Variants in GUCY1A2 observed in about 807,000 individuals in gnomAD.
The protein encoded by GUCY1A2 is guanylate cyclase 1 soluble subunit alpha 2.
A neutral mutation model predicts 63.5 loss-of-function variants in GUCY1A2; 27 were observed. That is an observed-to-expected ratio of 0.43 (90% CI 0.31 to 0.59). The LOEUF is 0.59. Ranked by LOEUF, GUCY1A2 falls within the 20% of genes least tolerant of loss-of-function variation. The pLI, the probability that GUCY1A2 is intolerant of heterozygous loss-of-function variation, is 0.11. For missense variants in GUCY1A2, 768 were observed against 913.3 expected (o/e 0.84, Z 2.05); for synonymous variants, 364 against 343.5 (o/e 1.06, Z -0.66).
Position 106,939,898 on chromosome 11 carries a change from A to G in GUCY1A2, c.768T>C (p.Ala256=). Residue 256 remains alanine (A), a synonymous_variant, in exon 4 of 8, where the codon GCT becomes GCC. Coordinates refer to ENST00000526355, the MANE Select transcript of GUCY1A2 (RefSeq NM_000855.3). ...VGFAMLGMIK[A]AGKKIYRLDV... Reference sequence around the variant, plus strand: ...CCAGCCGATAGATCTTCTTTCCTGCAGCCTTAATCATCCCCAGCATTGCAA... The same window carrying G: ...CCAGCCGATAGATCTTCTTTCCTGCGGCCTTAATCATCCCCAGCATTGCAA... 1.2e-6 allele frequency: 2 copies of G among 1,614,134 alleles called. No individual in the cohort carries two copies. The highest frequency in any genetic ancestry group is 1.7e-6 in the Non-Finnish European group (2 of 1,180,000).
At chr11:106,772,321 T>G (rs1373918242) in intron 6 of GUCY1A2, among the ~76,000 whole-genome samples, 1 of 152,166 alleles carries the variant, frequency 6.6e-6, no homozygotes, top group Admixed American at 6.5e-5. Flanking sequence ...ACCTAAAAAC[T>G]TACATAATTT....
chr11:107,002,388 G>GGTGTGTGTGTGTGTGTGT (rs71044205), intron 1 of GUCY1A2, among the ~76,000 whole-genome samples: 55 of 149,132 alleles, frequency 3.7e-4, no homozygotes, highest in Admixed American at 8.0e-4. Flanking sequence ...AATAAGAACA[G>GGTGTGTGTGTGTGTGTGT]GTGTGTGTGT....
At chr11:106,986,271 C>T (rs1193565450) in intron 1 of GUCY1A2, 140 bp from the exon 2 acceptor site, 7 of 513,324 alleles carry the variant, frequency 1.4e-5, no homozygotes, top group Non-Finnish European at 2.4e-5. Context: ...CATTTTGCAT[C>T]ATGCCATGTA....
rs11211856 is a variant in GUCY1A2 at position 106,675,150 on chromosome 11, C to T, written c.*12399G>A. ...TGATATGTATTATTTCTGGAATGCACTTAATCAGTATTTTAAAAGCATAAT... is the reference window on the plus strand; with the variant it reads ...TGATATGTATTATTTCTGGAATGCATTTAATCAGTATTTTAAAAGCATAAT... On this transcript the variant is annotated 3_prime_UTR_variant, in exon 8 of 8. Transcript: ENST00000526355. 20,291 of 211,140 alleles carry T rather than the reference C, an allele frequency of 0.096. 1,368 individuals are homozygous for T. The highest frequency in any genetic ancestry group is 0.14 in the Non-Finnish European group (14,868 of 104,140). 13.1% of individuals were successfully genotyped at this position (211,140 alleles called of 1,614,324 possible). A position where few individuals can be genotyped will look rare whatever the true frequency, so the allele number is the denominator to read the frequency against.
intron 3 of GUCY1A2, among the ~76,000 whole-genome samples, chr11:106,976,797 A>G (rs1861268798): frequency 1.3e-5 from 2 of 152,198 alleles, no homozygotes; most frequent in Non-Finnish European, 2.9e-5. Context: ...CTTCTAAGTT[A>G]TAAACACTGC....
intron 6 of GUCY1A2, among the ~76,000 whole-genome samples, chr11:106,711,622 T>G (rs1270909774): frequency 6.6e-6 from 1 of 152,198 alleles, no homozygotes; most frequent in African/African-American, 2.4e-5. Flanking sequence ...GATAGCAAAT[T>G]TATCATTTAA....
In GUCY1A2 at chr11:106,919,011, T is replaced by C. The variant is rs555239605; in HGVS notation, c.1206+20449A>G. 2.4e-4 allele frequency among the ~76,000 whole-genome samples: 37 copies of C among 152,294 alleles called. 1 individual carries two copies. The highest frequency in any genetic ancestry group is 3.4e-3 in the Middle Eastern group (1 of 294). On this transcript the variant is annotated intron_variant, in intron 4 of 7. Transcript: ENST00000526355. ...TCTTTAATACCAGACTATAATTACA[T>C]TCATTTATTATCTATTTATTGAATT...
chr11:106,774,973 A>T (rs1864330070), intron 6 of GUCY1A2, among the ~76,000 whole-genome samples: 1 of 152,106 alleles, frequency 6.6e-6, no homozygotes, highest in Non-Finnish European at 1.5e-5. Flanking sequence ...TTGTCATTTT[A>T]ATTCTGTGTC....
At chr11:106,797,808 G>T (rs892633247) in intron 5 of GUCY1A2, among the ~76,000 whole-genome samples, 1 of 152,136 alleles carries the variant, frequency 6.6e-6, no homozygotes, top group African/African-American at 2.4e-5. Flanking sequence ...GCCCACAAGA[G>T]AAAGCAGGAA....
chr11:106,905,072 G>A (rs1330843180), intron 4 of GUCY1A2, among the ~76,000 whole-genome samples: 1 of 152,076 alleles, frequency 6.6e-6, no homozygotes, highest in African/African-American at 2.4e-5. Context: ...ATGAATGTAA[G>A]GCACTGAGGT....
At chr11:106,858,958 C>T (rs1239935595) in intron 4 of GUCY1A2, among the ~76,000 whole-genome samples, 2 of 151,896 alleles carry the variant, frequency 1.3e-5, no homozygotes, top group Admixed American at 1.3e-4. Context: ...GGAGCAGGGG[C>T]CATTCAATAA....
chr11:106,988,538 T>C (rs966087325), intron 1 of GUCY1A2, among the ~76,000 whole-genome samples: 2 of 152,218 alleles, frequency 1.3e-5, no homozygotes, highest in African/African-American at 2.4e-5. Context: ...AGTTAAGCCT[T>C]TTAAAGATCT....
intron 3 of GUCY1A2, among the ~76,000 whole-genome samples, chr11:106,949,388 C>T (rs1304513804): frequency 6.6e-6 from 1 of 152,134 alleles, no homozygotes; most frequent in East Asian, 1.9e-4. Context: ...TGAACATGCT[C>T]AACAATCTCT....
At chr11:106,965,421 GTGTA>G (rs1279656469) in intron 3 of GUCY1A2, among the ~76,000 whole-genome samples, 1 of 152,144 alleles carries the variant, frequency 6.6e-6, no homozygotes, top group Non-Finnish European at 1.5e-5. Flanking sequence ...ATACATGTAT[GTGTA>G]TGTATGTACT....
At chr11:106,793,825 G>C (rs1864705452) in intron 5 of GUCY1A2, among the ~76,000 whole-genome samples, 1 of 152,094 alleles carries the variant, frequency 6.6e-6, no homozygotes. Context: ...CTGTTAGAAT[G>C]ATGATTATCA....
At chr11:106,847,864 A>C (rs1021244038) in intron 4 of GUCY1A2, among the ~76,000 whole-genome samples, 4 of 151,674 alleles carry the variant, frequency 2.6e-5, no homozygotes, top group Admixed American at 6.6e-5. Context: ...TTTTTTTTAA[A>C]TTAGAAATCT....
At chr11:106,861,558 G>C (rs1859512931) in intron 4 of GUCY1A2, among the ~76,000 whole-genome samples, 1 of 151,950 alleles carries the variant, frequency 6.6e-6, no homozygotes, top group Admixed American at 6.6e-5. Context: ...CTATCACTAA[G>C]AGTCATTACA....
chr11:106,746,243 C>CTATG (rs1300416235), intron 6 of GUCY1A2, among the ~76,000 whole-genome samples: 1 of 151,802 alleles, frequency 6.6e-6, no homozygotes, highest in African/African-American at 2.4e-5. Context: ...TTTGGTTCTG[C>CTATG]CATATATTAC....
At chr11:106,838,897 T>C (rs1378847090) in intron 4 of GUCY1A2, among the ~76,000 whole-genome samples, 1 of 152,084 alleles carries the variant, frequency 6.6e-6, no homozygotes, top group Non-Finnish European at 1.5e-5. Context: ...GATGAGTAGA[T>C]TGCAAAAATT....
Sources: gnomAD v4.1 joint callset for allele counts (sites outside exome capture counted in the v4.1 genomes callset) on GRCh38, gnomAD v4.1.1 for gene constraint, MANE v1.5 for transcripts, NCBI Gene and HGNC (gene_info 2026-07-23, HGNC 2026-07-21) for gene names.